Variants in ROBO3 observed in about 807,000 individuals in gnomAD.
ROBO3 encodes the protein roundabout guidance receptor 3, also known as roundabout homolog 3.
ROBO3 carries 97 observed loss-of-function variants against 160.5 expected under a neutral mutation model. The ratio of observed to expected loss-of-function variants is 0.60; its 90% CI spans 0.51 to 0.72. The LOEUF is 0.72. Among genes scored for constraint, ROBO3 ranks in the 30% least tolerant of loss-of-function variants. ROBO3 has a pLI of 0.00. For synonymous variants in ROBO3, 780 were observed against 746.2 expected, an observed-to-expected ratio of 1.05 and a Z score of -0.74; for missense variants, 1,858 against 1,846.5, an observed-to-expected ratio of 1.01 and a Z score of -0.11.
intron 4 of ROBO3, 28 bp downstream of exon 4, chr11:124,870,096 G>C (rs1946260455): frequency 1.2e-6 from 2 of 1,613,772 alleles, no homozygotes; most frequent in African/African-American, 1.3e-5. Context: ...TGACATTATG[G>C]GAACAGGTAG....
rs775030948 is a variant in ROBO3, at chr11:124,870,088, A to G, written c.766+20A>G. The G allele has an allele frequency of 7.4e-5, 120 of 1,613,800 alleles. No homozygotes were observed. Among genetic ancestry groups the G allele is most frequent in the Non-Finnish European group, 9.4e-5 (111 of 1,179,846 alleles). On this transcript the variant is annotated intron_variant, in intron 4 of 27. Transcript: ENST00000397801. ...TACTGGGTAGGCACAGGGAATTTTG[A>G]CATTATGGGAACAGGTAGCCTGCAG... is the stretch of plus-strand genomic sequence containing the variant.
At position 124,865,575 on chromosome 11, in the gene ROBO3, G is replaced by T. The variant is rs769893434; in HGVS notation, c.-3G>T. 1 of 1,610,898 alleles carries T rather than the reference G, an allele frequency of 6.2e-7. No homozygotes were observed. The highest frequency in any genetic ancestry group is 8.5e-7 in the Non-Finnish European group (1 of 1,179,592). ...CCAGTCCCGATCCCAGCTGGGTCGA[G>T]CCATGCTGCGCTACCTGCTGAAAAC... On this transcript the variant is annotated 5_prime_UTR_variant, in exon 1 of 28. Transcript: ENST00000397801. The surrounding 1 kb of genome is among the most constrained non-coding windows in gnomAD (Gnocchi z 5.5).
chr11:124,866,963 C>G (rs992868111), intron 1 of ROBO3, among the ~76,000 whole-genome samples: 3 of 152,136 alleles, frequency 2.0e-5, no homozygotes, highest in African/African-American at 7.2e-5. Flanking sequence ...TCACCTAGCG[C>G]GTTTACAGAG....
chr11:124,875,684 A>G lies in ROBO3; in HGVS notation c.2420A>G (p.Gln807Arg), dbSNP rs2135334215. ...CAAAATGGGGTCATCACGGAATACC[A>G]GGTAGAGGGATTGAGGAGGGACTGG... ...SQQNGVITEY[Q>R]IWCLGNESRF... The change falls in exon 15 of 28, where the codon CAG becomes CGG. Residue 807 changes from glutamine (Q) to arginine (R), a missense_variant and splice_region_variant. By Grantham distance (43) the Gln-to-Arg change is conservative. Coordinates refer to ENST00000397801, the MANE Select transcript of ROBO3 (RefSeq NM_022370.4). 1.2e-6 allele frequency: 2 copies of G among 1,603,116 alleles called. No homozygotes were observed. Among genetic ancestry groups the G allele is most frequent in the Non-Finnish European group, 1.7e-6 (2 of 1,175,004 alleles).
rs750683382 is a variant in ROBO3 at position 124,870,591 on chromosome 11, A to G, written c.906-10A>G. Reference sequence around the variant, plus strand: ...GTGGCCAACCCAGCCTGGGGTGGGGAGTGGAGCAGGTATGAGATCCGGAGT... The same window carrying G: ...GTGGCCAACCCAGCCTGGGGTGGGGGGTGGAGCAGGTATGAGATCCGGAGT... On this transcript the variant is annotated splice_polypyrimidine_tract_variant and intron_variant, in intron 5 of 27. Transcript: ENST00000397801. 3.1e-6 allele frequency: 5 copies of G among 1,613,438 alleles called. No individual in the cohort carries two copies. In the African/African-American group the frequency reaches 6.7e-5, roughly 22 times the overall value.
Position 124,872,298 on chromosome 11 carries a change from AT to A in ROBO3, c.1159-79del. On this transcript the variant is annotated intron_variant, in intron 7 of 27. Transcript: ENST00000397801. The surrounding 1 kb of genome is among the most constrained non-coding windows in gnomAD (Gnocchi z 4.3). ...AACTAGAATCATAGGAATTCTCTGA[AT>A]TTTGAGATTGACAGGAATGGGGACC... 7.8e-7 allele frequency: 1 copy of A among 1,278,446 alleles called. No homozygotes were observed. Among genetic ancestry groups the A allele is most frequent in the Non-Finnish European group, 1.1e-6 (1 of 876,000 alleles). The allele number at this position is 1,278,446 out of a possible 1,614,324, so 79.2% of individuals were successfully genotyped here.
Position 124,878,693 on chromosome 11 carries a change from C to A in ROBO3, c.3430C>A (p.Pro1144Thr). Residue 1144 changes from proline to threonine, a missense_variant, in exon 23 of 28, where the codon CCC becomes ACC. Coordinates refer to ENST00000397801, the MANE Select transcript of ROBO3 (RefSeq NM_022370.4). The surrounding 1 kb of genome is among the most constrained non-coding windows in gnomAD (Gnocchi z 4.3). The stretch of plus-strand genomic sequence containing the variant: ...CCCATCCCGAAGGGAAACCCCCTCT[C>A]CCACACCTTCCTATGGACAGCAGTC... ...VTPSRRETPS[P>T]TPSYGQQSTA... 6.2e-7 allele frequency: 1 copy of A among 1,613,872 alleles called. No individual in the cohort carries two copies. Among genetic ancestry groups the A allele is most frequent in the Non-Finnish European group, 8.5e-7 (1 of 1,179,842 alleles).
Position 124,878,358 on chromosome 11 carries a change from G to C in ROBO3, c.3242G>C (p.Trp1081Ser). 1 of 1,613,874 alleles carries C rather than the reference G, an allele frequency of 6.2e-7. No homozygotes were observed. The highest frequency in any genetic ancestry group is 8.5e-7 in the Non-Finnish European group (1 of 1,179,852). ...CCTGTGCAGATGCCCTCTCTGAACT[G>C]GCCAGAAGCCCTGCCCCCACCTCCT... ...GKPVQMPSLN[W>S]PEALPPPPPS... Residue 1081 changes from tryptophan (W) to serine (S), a missense_variant, in exon 22 of 28, where the codon TGG becomes TCG. Coordinates refer to ENST00000397801, the MANE Select transcript of ROBO3 (RefSeq NM_022370.4). This position sits in a 1 kb window ranked among gnomAD's most constrained non-coding sequence, Gnocchi z 4.3.
chr11:124,868,279 C>T (rs1946229030), intron 1 of ROBO3, among the ~76,000 whole-genome samples: 3 of 152,204 alleles, frequency 2.0e-5, no homozygotes, highest in Admixed American at 2.0e-4. Context: ...TCACTCCCGT[C>T]TTGCCTTTCA....
At position 124,872,636 on chromosome 11, in the gene ROBO3, A is replaced by C. The variant is rs1946292172; in HGVS notation, c.1330+84A>C. 1.5e-6 allele frequency: 2 copies of C among 1,359,406 alleles called. No homozygotes were observed. Among genetic ancestry groups the C allele is most frequent in the African/African-American group, 2.9e-5 (2 of 69,330 alleles). 84.2% of individuals were successfully genotyped at this position (1,359,406 alleles called of 1,614,324 possible). A position where few individuals can be genotyped will look rare whatever the true frequency, so the allele number is the denominator to read the frequency against. On this transcript the variant is annotated intron_variant, in intron 8 of 27. Transcript: ENST00000397801. The surrounding 1 kb of genome is among the most constrained non-coding windows in gnomAD (Gnocchi z 4.3). ...GTGATGTGTTTCTCTTGGAGTCTAT[A>C]TACTATGTCTGCAAGAGGAGAGATG...
chr11:124,880,740 G>A, intron 27 of ROBO3, 132 bp downstream of exon 27: 2 of 1,320,422 alleles, frequency 1.5e-6, no homozygotes, highest in Non-Finnish European at 2.0e-6. Context: ...GAGGGTGAGG[G>A]GGAGGGAGGA....
In ROBO3 at chr11:124,880,648, T is replaced by G. The variant is rs761607409; in HGVS notation, c.4149+40T>G. The G allele has an allele frequency of 4.1e-6, 6 of 1,480,194 alleles. No homozygotes were observed. The Admixed American group carries it at 9.3e-5, about 23-fold the overall frequency. The allele number at this position is 1,480,194 out of a possible 1,614,324, so 91.7% of individuals were successfully genotyped here. Reference sequence around the variant, plus strand: ...TTGCAGAAAAATGAGGGCAGAGGACTAGGGAAGGGTGGACCAAGGCGTAAT... The same window carrying G: ...TTGCAGAAAAATGAGGGCAGAGGACGAGGGAAGGGTGGACCAAGGCGTAAT... On this transcript the variant is annotated intron_variant, in intron 27 of 27. Coordinates refer to ENST00000397801, the MANE Select transcript of ROBO3 (RefSeq NM_022370.4).
In ROBO3 at chr11:124,871,190, C is replaced by A. The variant is rs1000981209; in HGVS notation, c.1158+52C>A. The A allele has an allele frequency of 4.5e-6, 7 of 1,559,124 alleles. No individual in the cohort carries two copies. In the Admixed American group the frequency reaches 1.1e-4, roughly 24 times the overall value. On this transcript the variant is annotated intron_variant, in intron 7 of 27. Transcript: ENST00000397801. ...CCATCAGCCTTCCTCTGCGGCTCAG[C>A]CTCCCTCCCTCTACATTCTGCAAAC...
At position 124,880,482 on chromosome 11, in the gene ROBO3, T is replaced by C; in HGVS notation, c.4023T>C (p.Cys1341=). The change falls in exon 27 of 28, where the codon TGT becomes TGC. Residue 1341 remains cysteine (C), a synonymous_variant. Transcript: ENST00000397801. ...CCCGGGGCCAGGGCACCAGCACATG[T>C]TCCACGGCCGGCAGCAACTCTTCCA... ...FLSRGQGTST[C]STAGSNSSRG... 6.2e-7 allele frequency: 1 copy of C among 1,607,370 alleles called. No individual in the cohort carries two copies. Among genetic ancestry groups the C allele is most frequent in the Non-Finnish European group, 8.5e-7 (1 of 1,176,984 alleles).
Position 124,872,453 on chromosome 11 carries a change from A to G in ROBO3, c.1231A>G (p.Ile411Val). 4 of 1,613,848 alleles carry G rather than the reference A, an allele frequency of 2.5e-6. No individual in the cohort carries two copies. Among genetic ancestry groups the G allele is most frequent in the Non-Finnish European group, 3.4e-6 (4 of 1,179,850 alleles). Reference protein sequence around the residue: ...FSVSPRGQLNITAVQRGDAGY... With the variant: ...FSVSPRGQLNVTAVQRGDAGY... ...AGTGTCTCCAAGAGGCCAACTTAAC[A>G]TCACCGCGGTGCAGCGTGGGGATGC... Residue 411 changes from isoleucine to valine, a missense_variant, in exon 8 of 28, where the codon ATC becomes GTC. By Grantham distance (29) the Ile-to-Val change is conservative (BLOSUM62 3). Coordinates refer to ENST00000397801, the MANE Select transcript of ROBO3 (RefSeq NM_022370.4). The surrounding 1 kb of genome is among the most constrained non-coding windows in gnomAD (Gnocchi z 4.3).
chr11:124,872,324 C>G lies in ROBO3; in HGVS notation c.1159-57C>G. 1 of 1,499,314 alleles carries G rather than the reference C, an allele frequency of 6.7e-7. No homozygotes were observed. The highest frequency in any genetic ancestry group is 1.1e-5 in the South Asian group (1 of 88,544). 92.9% of individuals were successfully genotyped at this position (1,499,314 alleles called of 1,614,324 possible). A position where few individuals can be genotyped will look rare whatever the true frequency, so the allele number is the denominator to read the frequency against. Reference sequence around the variant, plus strand: ...TTTTGAGATTGACAGGAATGGGGACCTCTCCCTGCCCAGCTGCCTGCTCAT... The same window carrying G: ...TTTTGAGATTGACAGGAATGGGGACGTCTCCCTGCCCAGCTGCCTGCTCAT... On this transcript the variant is annotated intron_variant, in intron 7 of 27. Transcript: ENST00000397801. This position sits in a 1 kb window ranked among gnomAD's most constrained non-coding sequence, Gnocchi z 4.3.
intron 20 of ROBO3, 83 bp from the exon 21 acceptor site, chr11:124,877,854 C>G (rs963229562): frequency 8.3e-7 from 1 of 1,204,500 alleles, no homozygotes; most frequent in African/African-American, 1.5e-5. Flanking sequence ...AAGTTGATCC[C>G]GTGGGATTTC....
In ROBO3 at chr11:124,869,540, A is replaced by G; in HGVS notation, c.578A>G (p.His193Arg). Residue 193 changes from histidine (H) to arginine (R), a missense_variant, in exon 3 of 28, where the codon CAC becomes CGC. Physicochemically the swap from His to Arg is conservative, Grantham distance 29 (BLOSUM62 0). Transcript: ENST00000397801. The surrounding 1 kb of genome is among the most constrained non-coding windows in gnomAD (Gnocchi z 4.2). ...AVLECVPPRG[H>R]PEPSVSWRKD... The stretch of plus-strand genomic sequence containing the variant: ...CTGGAATGCGTGCCCCCCCGCGGCC[A>G]CCCGGAGCCTTCCGTGTCCTGGAGG... 4 of 1,531,504 alleles carry G rather than the reference A, an allele frequency of 2.6e-6. No homozygotes were observed. The highest frequency in any genetic ancestry group is 2.7e-6 in the Non-Finnish European group (3 of 1,131,852). 94.9% of individuals were successfully genotyped at this position (1,531,504 alleles called of 1,614,324 possible).
At position 124,878,899 on chromosome 11, in the gene ROBO3, G is replaced by A. The variant is rs996118248; in HGVS notation, c.3533+103G>A. The A allele has an allele frequency of 1.2e-5, 12 of 1,036,416 alleles. No homozygotes were observed. In the East Asian group the frequency reaches 2.6e-4, roughly 22 times the overall value. 64.2% of individuals were successfully genotyped at this position (1,036,416 alleles called of 1,614,324 possible). A position where few individuals can be genotyped will look rare whatever the true frequency, so the allele number is the denominator to read the frequency against. ...GGATGGATGGGTGGATGGATCTGGG[G>A]TACAGAGGTCTCAGGGCTGTGTCAG... On this transcript the variant is annotated intron_variant, in intron 23 of 27. Transcript: ENST00000397801. This position sits in a 1 kb window ranked among gnomAD's most constrained non-coding sequence, Gnocchi z 4.3.
Sources: gnomAD v4.1 joint callset for allele counts (sites outside exome capture counted in the v4.1 genomes callset) on GRCh38, gnomAD v4.1.1 for gene constraint, Gnocchi (gnomAD v3.1) non-coding constraint, MANE v1.5 for transcripts, NCBI Gene and HGNC (gene_info 2026-07-23, HGNC 2026-07-21) for gene names.